PHACTR1: variants seen among roughly 807,000 people sequenced by gnomAD.
PHACTR1 encodes the protein phosphatase and actin regulator 1, also known as RPEL repeat containing 1.
PHACTR1 carries 16 observed loss-of-function variants against 69.2 expected under a neutral mutation model. The ratio of observed to expected loss-of-function variants is 0.23; its 90% CI spans 0.16 to 0.35. PHACTR1 has a LOEUF of 0.35. PHACTR1 is among the 10% of genes least tolerant of loss of function. PHACTR1 has a pLI of 1.00. For synonymous variants in PHACTR1, 312 were observed against 284.5 expected, an observed-to-expected ratio of 1.10 and a Z score of -0.97; for missense variants, 510 against 734.7, an observed-to-expected ratio of 0.69 and a Z score of 3.54.
rs149108279 is a variant in PHACTR1, at chr6:13,220,217, C to T, written c.987-7599C>T. 3.3e-3 allele frequency among the ~76,000 whole-genome samples: 501 copies of T among 152,240 alleles called. 4 individuals carry two copies. Among genetic ancestry groups the T allele is most frequent in the African/African-American group, 0.011 (467 of 41,528 alleles). On this transcript the variant is annotated intron_variant, in intron 8 of 14. Coordinates refer to ENST00000332995, the MANE Select transcript of PHACTR1 (RefSeq NM_030948.6). ...TTTAAGACATTGTGTGGAAATATTCCGAAATGGTGCATCTATCTGTCCAAC... is the reference window on the plus strand; with the variant it reads ...TTTAAGACATTGTGTGGAAATATTCTGAAATGGTGCATCTATCTGTCCAAC...
chr6:13,276,687 G>C (rs939345206), intron 11 of PHACTR1, among the ~76,000 whole-genome samples: 19 of 152,088 alleles, frequency 1.2e-4, no homozygotes, highest in Admixed American at 1.2e-3. Context: ...CAGGAGAATC[G>C]CTTGAACTTG....
chr6:13,102,342 G>A (rs1815306199), intron 5 of PHACTR1, among the ~76,000 whole-genome samples: 3 of 152,160 alleles, frequency 2.0e-5, no homozygotes, highest in African/African-American at 7.2e-5. Flanking sequence ...GAGTAAGGGA[G>A]TTTCTGGGTT....
intron 4 of PHACTR1, among the ~76,000 whole-genome samples, chr6:12,863,639 G>A (rs773975730): frequency 6.6e-6 from 1 of 152,214 alleles, no homozygotes; most frequent in African/African-American, 2.4e-5. Context: ...GTCCTGGGAG[G>A]ACATTCTCAG....
chr6:13,111,474 A>C (rs1441349740), intron 5 of PHACTR1, among the ~76,000 whole-genome samples: 3 of 152,202 alleles, frequency 2.0e-5, no homozygotes, highest in Admixed American at 2.0e-4. Flanking sequence ...AGAAAATCTT[A>C]CAATGAAAAC....
At chr6:12,779,768 G>T (rs1482170520) in intron 4 of PHACTR1, among the ~76,000 whole-genome samples, 1 of 152,104 alleles carries the variant, frequency 6.6e-6, no homozygotes, top group Non-Finnish European at 1.5e-5. Flanking sequence ...TCTATGGCAG[G>T]GTTGCCCAGC....
At chr6:12,946,633 A>G (rs1582636734) in intron 4 of PHACTR1, among the ~76,000 whole-genome samples, 2 of 152,278 alleles carry the variant, frequency 1.3e-5, no homozygotes, top group Admixed American at 6.5e-5. Context: ...AAGCAGATAA[A>G]TGGAGAAAAA....
At chr6:13,114,735 C>T (rs1817555994) in intron 5 of PHACTR1, among the ~76,000 whole-genome samples, 1 of 152,140 alleles carries the variant, frequency 6.6e-6, no homozygotes, top group African/African-American at 2.4e-5. Flanking sequence ...GCCAGGGATA[C>T]AGCTCAACAG....
intron 5 of PHACTR1, among the ~76,000 whole-genome samples, chr6:13,157,638 G>A (rs16873638): frequency 0.24 from 37,053 of 152,132 alleles, 5,138 homozygotes; most frequent in African/African-American, 0.38. Flanking sequence ...CTTTAGCGCT[G>A]TAGACCAGGT....
At chr6:12,983,487 T>C (rs1795761568) in intron 4 of PHACTR1, among the ~76,000 whole-genome samples, 3 of 152,116 alleles carry the variant, frequency 2.0e-5, no homozygotes, top group Admixed American at 2.0e-4. Flanking sequence ...TAGAAGAGGA[T>C]AATGTTAAGT....
At chr6:12,923,888 T>C (rs986507506) in intron 4 of PHACTR1, among the ~76,000 whole-genome samples, 4 of 152,232 alleles carry the variant, frequency 2.6e-5, no homozygotes, top group Non-Finnish European at 4.4e-5. Context: ...AGTAGGTTCA[T>C]GTGTCACATG....
chr6:13,283,864 C>T lies in PHACTR1; in HGVS notation c.1650+302C>T, dbSNP rs759136159. 16 of 379,976 alleles carry T rather than the reference C, an allele frequency of 4.2e-5. No homozygotes were observed. Among genetic ancestry groups the T allele is most frequent in the Non-Finnish European group, 7.0e-5 (14 of 201,250 alleles). The allele number at this position is 379,976 out of a possible 1,614,324, so 23.5% of individuals were successfully genotyped here. ...CTGGATAGGTGTAGACAGGTGAAGG[C>T]AAGAGGCTCCAGGCTCATCACAGCC... On this transcript the variant is annotated intron_variant, in intron 13 of 14. Transcript: ENST00000332995. This position sits in a 1 kb window ranked among gnomAD's most constrained non-coding sequence, Gnocchi z 4.7.
intron 5 of PHACTR1, among the ~76,000 whole-genome samples, chr6:13,152,570 A>G (rs1177131939): frequency 1.3e-5 from 2 of 152,214 alleles, no homozygotes; most frequent in Non-Finnish European, 2.9e-5. Flanking sequence ...CAGACTGCTC[A>G]TTTCTAAAGT....
At chr6:12,846,700 C>T (rs373987250) in intron 4 of PHACTR1, among the ~76,000 whole-genome samples, 4 of 149,390 alleles carry the variant, frequency 2.7e-5, no homozygotes, top group Non-Finnish European at 5.9e-5. Flanking sequence ...AACATCATCA[C>T]CTTAATAATT....
chr6:12,968,463 G>T (rs1463233615), intron 4 of PHACTR1, among the ~76,000 whole-genome samples: 2 of 152,138 alleles, frequency 1.3e-5, no homozygotes, highest in East Asian at 3.8e-4. Flanking sequence ...TACATTCACA[G>T]TATTGTGCAA....
chr6:12,862,399 A>G (rs1781030823), intron 4 of PHACTR1, among the ~76,000 whole-genome samples: 1 of 152,162 alleles, frequency 6.6e-6, no homozygotes, highest in Non-Finnish European at 1.5e-5. Flanking sequence ...GTCTAGGTCA[A>G]CTACAAAGCA....
chr6:12,889,797 C>CTTTTTTTTT (rs4053036), intron 4 of PHACTR1, among the ~76,000 whole-genome samples: 1 of 132,990 alleles, frequency 7.5e-6, no homozygotes. Context: ...CTCCTTCTTC[C>CTTTTTTTTT]TTTTTTTTTT....
chr6:12,915,880 C>T (rs1786933977), intron 4 of PHACTR1, among the ~76,000 whole-genome samples: 1 of 152,298 alleles, frequency 6.6e-6, no homozygotes, highest in Admixed American at 6.5e-5. Context: ...GTCCTGCCAC[C>T]AGTACATTCT....
chr6:12,941,564 C>T (rs1423163779), intron 4 of PHACTR1, among the ~76,000 whole-genome samples: 2 of 152,160 alleles, frequency 1.3e-5, no homozygotes, highest in Non-Finnish European at 2.9e-5. Flanking sequence ...CACTACCTCT[C>T]ACTCGCCACT....
In PHACTR1 at chr6:13,160,250, A is replaced by G; in HGVS notation, c.462A>G (p.Ile154Met). The G allele has an allele frequency of 6.2e-7, 1 of 1,613,808 alleles. No homozygotes were observed. Among genetic ancestry groups the G allele is most frequent in the Non-Finnish European group, 8.5e-7 (1 of 1,179,752 alleles). ...TGAGGCAAAGCAGAGAAGAGCTGATAAAGCGAGGAGTCCTGAAGGAAATCT... is the reference window on the plus strand; with the variant it reads ...TGAGGCAAAGCAGAGAAGAGCTGATGAAGCGAGGAGTCCTGAAGGAAATCT... ...ISMRQSREELIKRGVLKEIYD... is the reference protein window; with the variant it reads ...ISMRQSREELMKRGVLKEIYD... Residue 154 changes from isoleucine to methionine, a missense_variant, in exon 6 of 15, where the codon ATA becomes ATG. Physicochemically the swap from Ile to Met is conservative, Grantham distance 10 (BLOSUM62 1). Coordinates refer to ENST00000332995, the MANE Select transcript of PHACTR1 (RefSeq NM_030948.6).
Sources: allele counts gnomAD v4.1 joint callset (sites outside exome capture counted in the v4.1 genomes callset), GRCh38; gene constraint gnomAD v4.1.1; non-coding constraint Gnocchi (gnomAD v3.1); transcripts MANE v1.5; gene names NCBI Gene and HGNC (gene_info 2026-07-23, HGNC 2026-07-21).